LARGE1: variants seen among roughly 807,000 people sequenced by gnomAD.
The protein encoded by LARGE1 is LARGE xylosyl- and glucuronyltransferase 1.
A neutral mutation model predicts 87.6 loss-of-function variants in LARGE1; 43 were observed. The observed-to-expected ratio is 0.49, with a 90% CI of 0.38 to 0.63. LARGE1 has a LOEUF of 0.63. LARGE1 is among the 30% of genes least tolerant of loss of function. The pLI, the probability that LARGE1 is intolerant of heterozygous loss-of-function variation, is 0.00. For synonymous variants in LARGE1, 434 were observed against 394.6 expected, an observed-to-expected ratio of 1.10 and a Z score of -1.18; for missense variants, 802 against 1,000.2, an observed-to-expected ratio of 0.80 and a Z score of 2.67.
intron 1 of LARGE1, among the ~76,000 whole-genome samples, chr22:33,879,504 T>C (rs774747838): frequency 2.0e-5 from 3 of 152,226 alleles, no homozygotes; most frequent in Non-Finnish European, 2.9e-5. Flanking sequence ...CCAGTCTATA[T>C]CTAGTCTTCC....
At chr22:33,334,428 A>G (rs1190904010) in intron 10 of LARGE1, among the ~76,000 whole-genome samples, 1 of 151,380 alleles carries the variant, frequency 6.6e-6, no homozygotes, top group Non-Finnish European at 1.5e-5. Context: ...AAAAACAAAA[A>G]AAAAAAACAC....
At chr22:33,617,401 G>A (rs549889106) in intron 4 of LARGE1, among the ~76,000 whole-genome samples, 37 of 152,290 alleles carry the variant, frequency 2.4e-4, no homozygotes, top group African/African-American at 8.9e-4. Context: ...TGTTCAAAGG[G>A]AGATTAGCAA....
rs116521811 is a variant in LARGE1, at chr22:33,893,772, C to G, written c.-83+26223G>C. 6.2e-3 allele frequency among the ~76,000 whole-genome samples: 951 copies of G among 152,300 alleles called. 8 individuals are homozygous for G. Among genetic ancestry groups the G allele is most frequent in the African/African-American group, 0.021 (882 of 41,548 alleles). ...GTGTTTGCAATCTAATCCCTCTCATCAAGCGGTATTCAGGTATCATGGGAA... is the reference window on the plus strand; with the variant it reads ...GTGTTTGCAATCTAATCCCTCTCATGAAGCGGTATTCAGGTATCATGGGAA... On this transcript the variant is annotated intron_variant, in intron 1 of 14. Coordinates refer to ENST00000397394, the MANE Select transcript of LARGE1 (RefSeq NM_133642.5).
chr22:33,409,716 C>T (rs2066238533), intron 7 of LARGE1, among the ~76,000 whole-genome samples: 1 of 152,032 alleles, frequency 6.6e-6, no homozygotes, highest in South Asian at 2.1e-4. Flanking sequence ...AAAAAATTAG[C>T]TAGGTGTGGT....
chr22:33,357,161 G>GGT (rs145399962), intron 9 of LARGE1, among the ~76,000 whole-genome samples: 11,516 of 152,132 alleles, frequency 0.076, 515 homozygotes, highest in South Asian at 0.14. Flanking sequence ...GTGGAGTGTA[G>GGT]GTATATATAT....
At chr22:33,748,802 G>T (rs1163442200) in intron 2 of LARGE1, among the ~76,000 whole-genome samples, 1 of 152,186 alleles carries the variant, frequency 6.6e-6, no homozygotes, top group African/African-American at 2.4e-5. Context: ...CATTCACAAG[G>T]AAGTGCCAGT....
chr22:33,193,830 T>C (rs890645887), intron 11 of LARGE1, among the ~76,000 whole-genome samples: 1 of 149,204 alleles, frequency 6.7e-6, no homozygotes, highest in Non-Finnish European at 1.5e-5. Context: ...AATTTATATA[T>C]ATATGTGTTC....
At chr22:33,904,620 G>A (rs2065384503) in intron 1 of LARGE1, among the ~76,000 whole-genome samples, 1 of 152,200 alleles carries the variant, frequency 6.6e-6, no homozygotes, top group African/African-American at 2.4e-5. Flanking sequence ...GGGCAGTAGA[G>A]TCGGTGACGC....
intron 1 of LARGE1, among the ~76,000 whole-genome samples, chr22:33,812,568 C>T (rs532650335): frequency 2.6e-5 from 4 of 152,222 alleles, no homozygotes; most frequent in Non-Finnish European, 5.9e-5. Context: ...CTCAATCACA[C>T]ATTCATCTTT....
intron 11 of LARGE1, among the ~76,000 whole-genome samples, chr22:33,248,030 A>G (rs1273715942): frequency 6.6e-6 from 1 of 152,180 alleles, no homozygotes; most frequent in East Asian, 1.9e-4. Context: ...TCCTTTTGCC[A>G]AGATTGGAAC....
rs191114112 is a variant in LARGE1, at chr22:33,214,754, C to T, written c.1731-47922G>A. Among the ~76,000 whole-genome samples the T allele has an allele frequency of 5.8e-4, 88 of 152,280 alleles. 1 individual carries two copies. The Middle Eastern group carries it at 0.01, about 18-fold the overall frequency. ...CTTCAGGTTCCATTTTCGAGGGAGCCCGGTCTTTCACATGAAATTATCTGT... is the reference window on the plus strand; with the variant it reads ...CTTCAGGTTCCATTTTCGAGGGAGCTCGGTCTTTCACATGAAATTATCTGT... On this transcript the variant is annotated intron_variant, in intron 11 of 11. Coordinates refer to the LARGE1 transcript ENST00000608642.
intron 11 of LARGE1, among the ~76,000 whole-genome samples, chr22:33,174,601 C>A (rs112802349): frequency 6.6e-6 from 1 of 151,790 alleles, no homozygotes; most frequent in Non-Finnish European, 1.5e-5. Context: ...ATTAGCCAGA[C>A]TAATAAAGAA....
At chr22:33,139,442 G>C in the LARGE1 span, among the ~76,000 whole-genome samples, 1 of 151,616 alleles carries the variant, frequency 6.6e-6, no homozygotes, top group Admixed American at 6.6e-5. Context: ...CAGTTAATGG[G>C]GTCCTTCATT....
intron 6 of LARGE1, among the ~76,000 whole-genome samples, chr22:33,464,931 G>A (rs12160290): frequency 6.7e-6 from 1 of 149,818 alleles, no homozygotes; most frequent in Non-Finnish European, 1.5e-5. Context: ...ATACATGCAC[G>A]TACACATACA....
chr22:33,281,158 G>T (rs1337596694), intron 13 of LARGE1, among the ~76,000 whole-genome samples: 2 of 152,148 alleles, frequency 1.3e-5, no homozygotes, highest in Admixed American at 6.5e-5. Context: ...CTGCTGGCCA[G>T]AGCAGCAATC....
chr22:33,756,962 G>A (rs138362473), intron 2 of LARGE1, among the ~76,000 whole-genome samples: 31 of 152,270 alleles, frequency 2.0e-4, no homozygotes, highest in African/African-American at 7.0e-4. Flanking sequence ...GGGCCTGAAC[G>A]GCGTAGAGCT....
Position 33,316,578 on chromosome 22 carries a change from T to C in LARGE1, c.1288-330A>G, listed in dbSNP as rs58775092. On this transcript the variant is annotated intron_variant, in intron 10 of 14. Coordinates refer to ENST00000397394, the MANE Select transcript of LARGE1 (RefSeq NM_133642.5). ...CAACCAGGCAAAACCCTGTCTCTAC[T>C]GAAAATAGAAAAATTAGCCGGACAT... is the stretch of plus-strand genomic sequence containing the variant. Among the ~76,000 whole-genome samples the C allele has an allele frequency of 2.4e-3, 359 of 151,526 alleles. 3 individuals are homozygous for C. The highest frequency in any genetic ancestry group is 8.2e-3 in the African/African-American group (337 of 41,296).
chr22:33,747,583 T>G (rs1298085897), intron 2 of LARGE1: 1 of 152,406 alleles, frequency 6.6e-6, no homozygotes, highest in East Asian at 1.9e-4. Context: ...CACTATCATC[T>G]CACTTTGCTT....
chr22:33,715,894 T>C (rs1197516684), intron 2 of LARGE1, among the ~76,000 whole-genome samples: 2 of 152,236 alleles, frequency 1.3e-5, no homozygotes, highest in Non-Finnish European at 2.9e-5. Flanking sequence ...CCTTTCACTG[T>C]TCTGAAACCA....
Sources: allele counts gnomAD v4.1 joint callset (sites outside exome capture counted in the v4.1 genomes callset), GRCh38; gene constraint gnomAD v4.1.1; transcripts MANE v1.5; gene names NCBI Gene and HGNC (gene_info 2026-07-23, HGNC 2026-07-21).